Variants in SNX24 observed in about 807,000 individuals in gnomAD.
SNX24 encodes the protein sorting nexin 24.
A neutral mutation model predicts 28.7 loss-of-function variants in SNX24; 22 were observed. The ratio of observed to expected loss-of-function variants is 0.77; its 90% CI spans 0.55 to 1.10. SNX24 has a LOEUF of 1.10. SNX24 is among the 50% of genes least tolerant of loss of function. SNX24 has a pLI of 0.00. For missense variants in SNX24, 221 were observed against 201.1 expected, an observed-to-expected ratio of 1.10 and a Z score of -0.60; for synonymous variants, 69 against 71.5, an observed-to-expected ratio of 0.96 and a Z score of 0.18.
intron 3 of SNX24, among the ~76,000 whole-genome samples, chr5:122,994,858 T>A (rs879651953): frequency 1.3e-5 from 2 of 152,090 alleles, no homozygotes; most frequent in Non-Finnish European, 2.9e-5. Flanking sequence ...GAAAAATAAT[T>A]TTTTTTTGTT....
intron 5 of SNX24, among the ~76,000 whole-genome samples, chr5:123,014,971 GTTC>G (rs545361692): frequency 1.6e-4 from 24 of 152,286 alleles, no homozygotes; most frequent in Admixed American, 9.8e-4. Context: ...TTTTCAAAGA[GTTC>G]TTCTTCAGTC....
At chr5:122,951,531 AT>A (rs1160811155) in intron 3 of SNX24, among the ~76,000 whole-genome samples, 1 of 152,166 alleles carries the variant, frequency 6.6e-6, no homozygotes, top group African/African-American at 2.4e-5. Context: ...AGTTTCCCAA[AT>A]TGATTTGACC....
chr5:122,867,396 ACT>A (rs1755769781), intron 1 of SNX24, among the ~76,000 whole-genome samples: 1 of 151,920 alleles, frequency 6.6e-6, no homozygotes, highest in African/African-American at 2.4e-5. Context: ...TAAGGACAAA[ACT>A]CTGCCCCTTT....
intron 2 of SNX24, among the ~76,000 whole-genome samples, chr5:122,937,034 G>T (rs1448040844): frequency 6.6e-6 from 1 of 152,186 alleles, no homozygotes; most frequent in Non-Finnish European, 1.5e-5. Flanking sequence ...TCATTTGCAT[G>T]TAAAAATCTC....
intron 1 of SNX24, among the ~76,000 whole-genome samples, chr5:122,899,265 A>AG (rs986606450): frequency 6.6e-5 from 10 of 152,144 alleles, no homozygotes; most frequent in African/African-American, 2.4e-4. Context: ...AGATGTTCTA[A>AG]GGGGAGGGTT....
intron 5 of SNX24, among the ~76,000 whole-genome samples, chr5:123,027,671 G>A (rs1414590770): frequency 1.3e-5 from 2 of 152,130 alleles, no homozygotes; most frequent in Non-Finnish European, 2.9e-5. Flanking sequence ...GCACTTAATA[G>A]TAGCCATTTT....
intron 3 of SNX24, among the ~76,000 whole-genome samples, chr5:122,970,293 T>A (rs2032141816): frequency 6.6e-6 from 1 of 151,718 alleles, no homozygotes; most frequent in African/African-American, 2.4e-5. Context: ...TGAACTGCTC[T>A]ATTTCTAAAA....
chr5:122,911,221 G>A (rs1326624794), intron 1 of SNX24, among the ~76,000 whole-genome samples: 1 of 152,220 alleles, frequency 6.6e-6, no homozygotes, highest in South Asian at 2.1e-4. Flanking sequence ...GATGGCCAGT[G>A]ATGATGAGCA....
At chr5:122,888,740 C>T (rs1756823506) in intron 1 of SNX24, among the ~76,000 whole-genome samples, 1 of 152,206 alleles carries the variant, frequency 6.6e-6, no homozygotes, top group South Asian at 2.1e-4. Flanking sequence ...GCTCCCCTAA[C>T]ACTATTCCCT....
intron 3 of SNX24, among the ~76,000 whole-genome samples, chr5:122,965,112 G>C (rs1178804499): frequency 6.6e-6 from 1 of 152,188 alleles, no homozygotes; most frequent in Non-Finnish European, 1.5e-5. Flanking sequence ...TAAACACTGT[G>C]TAACTGGTAA....
chr5:122,959,536 A>G (rs558930358), intron 3 of SNX24, among the ~76,000 whole-genome samples: 113 of 152,070 alleles, frequency 7.4e-4, no homozygotes, highest in African/African-American at 2.5e-3. Flanking sequence ...TACCCAGCCT[A>G]ATTTCCTAGG....
intron 3 of SNX24, among the ~76,000 whole-genome samples, chr5:122,985,371 A>C (rs1761556612): frequency 6.6e-6 from 1 of 152,172 alleles, no homozygotes; most frequent in African/African-American, 2.4e-5. Flanking sequence ...CAAGACCTGG[A>C]TTCTCAACTC....
chr5:122,951,923 C>T (rs1282277227), intron 3 of SNX24, among the ~76,000 whole-genome samples: 7 of 152,214 alleles, frequency 4.6e-5, no homozygotes, highest in Non-Finnish European at 1.5e-5. Flanking sequence ...ATTCAGGGCA[C>T]AGGTTGAGTG....
At chr5:122,864,425 G>T (rs928080944) in intron 1 of SNX24, among the ~76,000 whole-genome samples, 1 of 152,184 alleles carries the variant, frequency 6.6e-6, no homozygotes, top group South Asian at 2.1e-4. Flanking sequence ...AGGCTGAGCC[G>T]ATTTATCAAG....
At chr5:122,922,631 T>C (rs1299373286) in intron 1 of SNX24, among the ~76,000 whole-genome samples, 4 of 152,108 alleles carry the variant, frequency 2.6e-5, no homozygotes, top group Admixed American at 6.5e-5. Context: ...GTGGTATAAC[T>C]TCATATTCTG....
chr5:123,013,194 T>C (rs182787751), downstream of SNX24, among the ~76,000 whole-genome samples: 19 of 152,360 alleles, frequency 1.2e-4, no homozygotes, highest in Non-Finnish European at 2.6e-4. Context: ...ATTCAGTTGT[T>C]CAGTGAAATG....
Position 122,881,525 on chromosome 5 carries a change from A to T in SNX24, c.60+35832A>T, listed in dbSNP as rs376254962. On this transcript the variant is annotated intron_variant, in intron 1 of 6. Coordinates refer to ENST00000261369, the MANE Select transcript of SNX24 (RefSeq NM_014035.4). ...CACATTTAAGTTTGAGAAGCTCAGGATCTCAGGCTTAGAGCACAGGCTTTA... is the reference window on the plus strand; with the variant it reads ...CACATTTAAGTTTGAGAAGCTCAGGTTCTCAGGCTTAGAGCACAGGCTTTA... Among the ~76,000 whole-genome samples, 6 of 152,264 alleles carry T rather than the reference A, an allele frequency of 3.9e-5. 2 individuals are homozygous for T. Among genetic ancestry groups the T allele is most frequent in the Admixed American group, 1.3e-4 (2 of 15,294 alleles).
chr5:122,907,085 C>T (rs1757674028), intron 1 of SNX24, among the ~76,000 whole-genome samples: 1 of 152,186 alleles, frequency 6.6e-6, no homozygotes, highest in South Asian at 2.1e-4. Flanking sequence ...ACGTCATTTT[C>T]TCCACCACCC....
chr5:122,845,833 C>T, intron 1 of SNX24, 140 bp downstream of exon 1: 1 of 445,344 alleles, frequency 2.2e-6, no homozygotes, highest in East Asian at 3.8e-5. Context: ...AGAGGAAGGG[C>T]TGCGCCCTTG....
Sources: allele counts gnomAD v4.1 joint callset (sites outside exome capture counted in the v4.1 genomes callset), GRCh38; gene constraint gnomAD v4.1.1; transcripts MANE v1.5; gene names NCBI Gene and HGNC (gene_info 2026-07-23, HGNC 2026-07-21).